The following EHBP1 variants were observed in gnomAD, a reference collection of about 807,000 sequenced individuals.
The protein encoded by EHBP1 is EH domain binding protein 1.
Under a neutral mutation model 144.0 loss-of-function variants are expected in EHBP1, and 55 were observed. That is an observed-to-expected ratio of 0.38 (90% confidence interval 0.31 to 0.48). The LOEUF is 0.48. Among genes scored for constraint, EHBP1 ranks in the 20% least tolerant of loss-of-function variants. The probability of loss-of-function intolerance (pLI) is 0.98; values close to 1 mark genes in which losing one functional copy is unlikely to be tolerated. For missense variants in EHBP1, 1,200 were observed against 1,364.2 expected, an observed-to-expected ratio of 0.88 and a Z score of 1.90; for synonymous variants, 469 against 472.7, an observed-to-expected ratio of 0.99 and a Z score of 0.10.
intron 12 of EHBP1, among the ~76,000 whole-genome samples, chr2:62,947,872 G>A (rs964649961): frequency 2.0e-5 from 3 of 152,082 alleles, no homozygotes; most frequent in African/African-American, 7.2e-5. Context: ...ATCTAGCTGT[G>A]CTTTTCTTCA....
In EHBP1 at chr2:62,854,455, T is replaced by G. The variant is rs562427089; in HGVS notation, c.635-4714T>G. Among the ~76,000 whole-genome samples, 15 of 152,376 alleles carry G rather than the reference T, an allele frequency of 9.8e-5. 1 individual carries two copies. The highest frequency in any genetic ancestry group is 3.6e-4 in the African/African-American group (15 of 41,586). On this transcript the variant is annotated intron_variant, in intron 7 of 22. Transcript: ENST00000431489. Reference sequence around the variant, plus strand: ...ACAAAACTTAATCATTTCTAGCTTTTCATTTAAAGGGAGAGACATACAACT... The same window carrying G: ...ACAAAACTTAATCATTTCTAGCTTTGCATTTAAAGGGAGAGACATACAACT...
intron 10 of EHBP1, among the ~76,000 whole-genome samples, chr2:62,926,801 T>C (rs923505991): frequency 6.6e-6 from 1 of 151,946 alleles, no homozygotes; most frequent in African/African-American, 2.4e-5. Context: ...AAAAAATAAA[T>C]AGAACTACCA....
Position 63,032,257 on chromosome 2 carries a change from G to A in EHBP1, c.3104-5278G>A, listed in dbSNP as rs2061279867. Reference sequence around the variant, plus strand: ...AATTTAAAAAATAAATAAATAAAATGATTTAAAAAAAAAAAAAAAGGTCAG... The same window carrying A: ...AATTTAAAAAATAAATAAATAAAATAATTTAAAAAAAAAAAAAAAGGTCAG... On this transcript the variant is annotated intron_variant, in intron 19 of 22. Transcript: ENST00000431489. Among the ~76,000 whole-genome samples the A allele has an allele frequency of 6.9e-5, 10 of 145,288 alleles. No homozygotes were observed. In the South Asian group the frequency reaches 1.7e-3, roughly 25 times the overall value.
chr2:62,779,095 G>A (rs1021568007), intron 5 of EHBP1, among the ~76,000 whole-genome samples: 1 of 152,100 alleles, frequency 6.6e-6, no homozygotes, highest in African/African-American at 2.4e-5. Context: ...CTTCCACCAT[G>A]GAGTCAGTTT....
chr2:62,712,165 A>G (rs1465989949), intron 2 of EHBP1, among the ~76,000 whole-genome samples: 1 of 152,346 alleles, frequency 6.6e-6, no homozygotes, highest in East Asian at 1.9e-4. Context: ...AAAAGGATCC[A>G]GAACACAAGT....
intron 10 of EHBP1, among the ~76,000 whole-genome samples, chr2:62,876,045 C>T (rs1176935726): frequency 6.6e-6 from 1 of 152,174 alleles, no homozygotes; most frequent in Non-Finnish European, 1.5e-5. Flanking sequence ...GAGCAAGCAA[C>T]TTGGAAAACA....
intron 5 of EHBP1, among the ~76,000 whole-genome samples, chr2:62,801,901 T>G (rs746261379): frequency 6.6e-6 from 1 of 152,240 alleles, no homozygotes; most frequent in African/African-American, 2.4e-5. Flanking sequence ...TCCCAAACTT[T>G]AGTGTGCATT....
intron 5 of EHBP1, among the ~76,000 whole-genome samples, chr2:62,799,805 A>T (rs2043841165): frequency 6.6e-6 from 1 of 152,174 alleles, no homozygotes; most frequent in African/African-American, 2.4e-5. Flanking sequence ...AGTTCAAGGA[A>T]AAAAAGCGTG....
At chr2:62,882,727 A>G (rs539747853) in intron 10 of EHBP1, among the ~76,000 whole-genome samples, 4 of 152,272 alleles carry the variant, frequency 2.6e-5, no homozygotes, top group African/African-American at 9.6e-5. Context: ...TACTAAAAAT[A>G]CAAAATTAGC....
chr2:63,043,920 CTTTTTTTTTTTTTTTTTTTTTTT>C (rs70962802), intron 21 of EHBP1: 5 of 9,402 alleles, frequency 5.3e-4, no homozygotes, highest in African/African-American at 8.5e-4. Flanking sequence ...GGCCATGGTT[CTTTTTTTTTTTTTTTTTTTTTTT>C]TTTTTTTTTT....
At chr2:62,974,648 A>G (rs1255902330) in intron 14 of EHBP1, among the ~76,000 whole-genome samples, 1 of 152,168 alleles carries the variant, frequency 6.6e-6, no homozygotes, top group African/African-American at 2.4e-5. Flanking sequence ...AGGAAATTAT[A>G]TCTAAAGGTT....
At chr2:63,039,687 T>G (rs1234899906) in intron 21 of EHBP1, among the ~76,000 whole-genome samples, 2 of 152,200 alleles carry the variant, frequency 1.3e-5, no homozygotes, top group Non-Finnish European at 2.9e-5. Flanking sequence ...ACTGGAAATT[T>G]AAGTACGTAA....
upstream of EHBP1, among the ~76,000 whole-genome samples, chr2:62,703,692 A>G (rs1031095394): frequency 2.0e-5 from 3 of 152,382 alleles, no homozygotes; most frequent in Admixed American, 6.5e-5. Context: ...CTGTCATAAG[A>G]AACTATCAGT....
chr2:62,703,848 C>T (rs776074533), upstream of EHBP1, among the ~76,000 whole-genome samples: 1 of 152,184 alleles, frequency 6.6e-6, no homozygotes, highest in Non-Finnish European at 1.5e-5. Flanking sequence ...TCTTCCCCCT[C>T]TCCCTTTGGA....
At chr2:62,857,905 CTTGT>C (rs1371921567) in intron 7 of EHBP1, among the ~76,000 whole-genome samples, 2 of 149,892 alleles carry the variant, frequency 1.3e-5, no homozygotes, top group African/African-American at 4.9e-5. Flanking sequence ...TTGCTTTTTT[CTTGT>C]TTTAGTGCCG....
intron 6 of EHBP1, among the ~76,000 whole-genome samples, chr2:62,828,465 GTAT>G (rs1277631240): frequency 6.6e-6 from 1 of 152,032 alleles, no homozygotes; most frequent in African/African-American, 2.4e-5. Context: ...CAAATACATG[GTAT>G]TTAACATACA....
At chr2:62,883,250 C>T (rs535625955) in intron 10 of EHBP1, among the ~76,000 whole-genome samples, 24 of 152,226 alleles carry the variant, frequency 1.6e-4, no homozygotes, top group African/African-American at 5.5e-4. Context: ...ACTCTAAATA[C>T]GTTTTTCCAT....
intron 21 of EHBP1, 125 bp from the exon 22 acceptor site, chr2:63,044,941 C>G (rs967105186): frequency 4.5e-6 from 3 of 666,912 alleles, no homozygotes; most frequent in Non-Finnish European, 7.7e-6. Flanking sequence ...AAAACACTAG[C>G]TAGTGGCTCT....
rs944396505 is a variant in EHBP1, at chr2:62,706,998, G to C, written c.-194G>C. 2 of 557,330 alleles carry C rather than the reference G, an allele frequency of 3.6e-6. No individual in the cohort carries two copies. Among genetic ancestry groups the C allele is most frequent in the Non-Finnish European group, 6.5e-6 (2 of 308,486 alleles). 34.5% of individuals were successfully genotyped at this position (557,330 alleles called of 1,614,324 possible). ...CTGTCACGTATATCATAGTGTTCTT[G>C]ACTGGGCCATTCATCTAAGATGGGA... On this transcript the variant is annotated 5_prime_UTR_variant, in exon 2 of 23. Coordinates refer to ENST00000431489, the MANE Select transcript of EHBP1 (RefSeq NM_001142616.3).
Sources: gnomAD v4.1 joint callset for allele counts (sites outside exome capture counted in the v4.1 genomes callset) on GRCh38, gnomAD v4.1.1 for gene constraint, MANE v1.5 for transcripts, NCBI Gene and HGNC (gene_info 2026-07-23, HGNC 2026-07-21) for gene names.